MYLK4: variants seen among roughly 807,000 people sequenced by gnomAD.
MYLK4 encodes caMLCK like.
MYLK4 carries 46 observed loss-of-function variants against 48.1 expected under a neutral mutation model. The ratio of observed to expected loss-of-function variants is 0.96; its 90% CI spans 0.75 to 1.22. The LOEUF (loss-of-function observed/expected upper bound fraction) is 1.22. Among genes scored for constraint, MYLK4 ranks in the 50% most tolerant of loss-of-function variants. The pLI is 0.00. For synonymous variants in MYLK4, 170 were observed against 180.8 expected (o/e 0.94, Z 0.48); for missense variants, 451 against 486.1 (o/e 0.93, Z 0.68).
chr6:2,683,963 G>T (rs528999405), intron 6 of MYLK4, among the ~76,000 whole-genome samples: 1 of 152,138 alleles, frequency 6.6e-6, no homozygotes, highest in Non-Finnish European at 1.5e-5. Context: ...AAGACCCTCC[G>T]TGGATGCCTG....
At chr6:2,770,042 G>A in the MYLK4 span, 1 of 1,583,558 alleles carries the variant, frequency 6.3e-7, no homozygotes, top group East Asian at 2.2e-5. Flanking sequence ...AAGGAAGGAA[G>A]GGATAGCCAA....
the MYLK4 span, chr6:2,770,058 A>C: frequency 6.2e-7 from 1 of 1,604,026 alleles, no homozygotes; most frequent in South Asian, 1.1e-5. Flanking sequence ...GCCAACTTAC[A>C]TAGGATTCTG....
At chr6:2,757,757 A>T in the MYLK4 span, among the ~76,000 whole-genome samples, 3 of 152,258 alleles carry the variant, frequency 2.0e-5, no homozygotes, top group Admixed American at 6.5e-5. Context: ...TAATACAGAG[A>T]TCCATAGCTA....
intron 2 of MYLK4, among the ~76,000 whole-genome samples, chr6:2,745,527 A>G (rs1448549258): frequency 6.6e-6 from 1 of 152,198 alleles, no homozygotes; most frequent in Non-Finnish European, 1.5e-5. Context: ...ATCTGCTGAA[A>G]ACTTTTAAAA....
intron 7 of MYLK4, among the ~76,000 whole-genome samples, chr6:2,680,963 G>A (rs545696696): frequency 1.3e-5 from 2 of 152,308 alleles, no homozygotes; most frequent in South Asian, 2.1e-4. Context: ...GTCTTGGGGT[G>A]CAGGGGGAGA....
chr6:2,709,981 C>T (rs1404911573), intron 2 of MYLK4, among the ~76,000 whole-genome samples: 1 of 152,252 alleles, frequency 6.6e-6, no homozygotes, highest in East Asian at 1.9e-4. Flanking sequence ...GAAATCATTT[C>T]TTTAAAATAT....
chr6:2,725,555 CAAAG>C lies in MYLK4; in HGVS notation c.159+23577_159+23580del, dbSNP rs1554131493. Among the ~76,000 whole-genome samples the C allele has an allele frequency of 3.8e-3, 343 of 89,724 alleles. 1 individual carries two copies. Among genetic ancestry groups the C allele is most frequent in the Middle Eastern group, 0.012 (2 of 172 alleles). The allele number at this position is 89,724 out of a possible 152,430, so 58.9% of individuals were successfully genotyped here. On this transcript the variant is annotated intron_variant, in intron 2 of 12. Coordinates refer to ENST00000274643, the MANE Select transcript of MYLK4 (RefSeq NM_001012418.5). ...AGAAACAAAGAAAGAAACAAAGAAA[CAAAG>C]AAAGAAAGAAAGAAAGAAAAAGAAA...
At chr6:2,766,358 G>T in the MYLK4 span, 1 of 1,609,950 alleles carries the variant, frequency 6.2e-7, no homozygotes, top group African/African-American at 1.3e-5. Context: ...GAGCAAGGCC[G>T]TGGGCCAGGA....
At chr6:2,768,504 T>C in the MYLK4 span, among the ~76,000 whole-genome samples, 4 of 152,324 alleles carry the variant, frequency 2.6e-5, no homozygotes, top group African/African-American at 9.6e-5. Context: ...GTTTTATTTA[T>C]AATATTTTTG....
the MYLK4 span, among the ~76,000 whole-genome samples, chr6:2,762,889 C>A: frequency 6.6e-6 from 1 of 152,142 alleles, no homozygotes; most frequent in Non-Finnish European, 1.5e-5. Context: ...TGACTGCCTT[C>A]AGAAATAAAG....
chr6:2,736,215 C>T (rs568548183), intron 2 of MYLK4, among the ~76,000 whole-genome samples: 6 of 152,212 alleles, frequency 3.9e-5, no homozygotes, highest in Non-Finnish European at 7.3e-5. Context: ...TTATTACATG[C>T]TTCCCGTGTG....
intron 2 of MYLK4, among the ~76,000 whole-genome samples, chr6:2,748,487 A>C (rs533532319): frequency 5.8e-4 from 88 of 152,342 alleles, no homozygotes; most frequent in Non-Finnish European, 1.1e-3. Flanking sequence ...TGCCGCTAAC[A>C]CATATTAAAT....
At chr6:2,726,947 T>C (rs1425398896) in intron 2 of MYLK4, among the ~76,000 whole-genome samples, 1 of 152,212 alleles carries the variant, frequency 6.6e-6, no homozygotes, top group Non-Finnish European at 1.5e-5. Flanking sequence ...TTACCTGGGC[T>C]AAAACAAATT....
At chr6:2,725,562 A>AGAAG in intron 2 of MYLK4, among the ~76,000 whole-genome samples, 1 of 138,434 alleles carries the variant, frequency 7.2e-6, no homozygotes. Flanking sequence ...AAACAAAGAA[A>AGAAG]GAAAGAAAGA....
chr6:2,765,078 G>C, the MYLK4 span, among the ~76,000 whole-genome samples: 28 of 151,932 alleles, frequency 1.8e-4, no homozygotes, highest in African/African-American at 6.0e-4. Context: ...ACAACCTCGC[G>C]CAGTCCGTGG....
intron 2 of MYLK4, among the ~76,000 whole-genome samples, chr6:2,696,866 C>T (rs549786459): frequency 6.6e-6 from 1 of 152,204 alleles, no homozygotes; most frequent in East Asian, 1.9e-4. Context: ...TTGAGACCAG[C>T]CCGGCCAACA....
At chr6:2,692,974 T>A in intron 2 of MYLK4, 115 bp from the exon 3 acceptor site, 1 of 937,170 alleles carries the variant, frequency 1.1e-6, no homozygotes, top group Non-Finnish European at 1.6e-6. Context: ...TCACGAGCAT[T>A]ACAGGACAGC....
the MYLK4 span, among the ~76,000 whole-genome samples, chr6:2,762,064 G>C: frequency 2.1e-4 from 32 of 151,918 alleles, no homozygotes; most frequent in Non-Finnish European, 4.0e-4. Context: ...GGCTCGCACC[G>C]CCACACCCAG....
At chr6:2,709,178 C>T (rs2113241784) in intron 2 of MYLK4, among the ~76,000 whole-genome samples, 1 of 152,314 alleles carries the variant, frequency 6.6e-6, no homozygotes. Context: ...CCTTTCTATT[C>T]AACTCTGCAC....
Sources: allele counts gnomAD v4.1 joint callset (sites outside exome capture counted in the v4.1 genomes callset), GRCh38; gene constraint gnomAD v4.1.1; transcripts MANE v1.5; gene names NCBI Gene and HGNC (gene_info 2026-07-23, HGNC 2026-07-21).